Variants in DERA observed in about 807,000 individuals in gnomAD.
DERA encodes the protein deoxyribose-phosphate aldolase.
In DERA, 15 loss-of-function variants were observed where a neutral mutation model predicts 41.1. That is an observed-to-expected ratio of 0.37 (90% CI 0.24 to 0.56). The LOEUF is 0.56. Ranked by LOEUF, DERA falls within the 20% of genes least tolerant of loss-of-function variation. The pLI, the probability that DERA is intolerant of heterozygous loss-of-function variation, is 0.81. For missense variants in DERA, 396 were observed against 403.4 expected (o/e 0.98, Z 0.16); for synonymous variants, 139 against 137.4 (o/e 1.01, Z -0.08).
chr12:15,929,950 C>G (rs573071541), intron 1 of DERA, among the ~76,000 whole-genome samples: 1 of 152,084 alleles, frequency 6.6e-6, no homozygotes, highest in East Asian at 1.9e-4. Flanking sequence ...ATTGGACTTT[C>G]AGTGAGACTG....
intron 6 of DERA, among the ~76,000 whole-genome samples, chr12:16,005,178 C>T (rs1035289896): frequency 6.6e-6 from 1 of 152,166 alleles, no homozygotes; most frequent in Non-Finnish European, 1.5e-5. Flanking sequence ...CACAGTGGCT[C>T]ATGCCTGCAA....
At position 15,976,713 on chromosome 12, in the gene DERA, A is replaced by C. The variant is rs1948699830; in HGVS notation, c.509-5595A>C. 6.6e-6 allele frequency among the ~76,000 whole-genome samples: 1 copy of C among 152,198 alleles called. No individual in the cohort carries two copies. The highest frequency in any genetic ancestry group is 1.5e-5 in the Non-Finnish European group (1 of 68,034). On this transcript the variant is annotated intron_variant, in intron 5 of 8. Transcript: ENST00000428559. This position sits in a 1 kb window ranked among gnomAD's most constrained non-coding sequence, Gnocchi z 4.1. ...GGATCTGAAGGAAAAATGATTGATTACCTTCCTAACCGTTTTAATACTTTT... is the reference window on the plus strand; with the variant it reads ...GGATCTGAAGGAAAAATGATTGATTCCCTTCCTAACCGTTTTAATACTTTT...
At chr12:15,968,461 T>A (rs866059857) in intron 5 of DERA, among the ~76,000 whole-genome samples, 3 of 152,320 alleles carry the variant, frequency 2.0e-5, no homozygotes, top group Middle Eastern at 6.8e-3. Flanking sequence ...AGTGGGGACA[T>A]CACCCGGCCA....
chr12:15,916,520 G>A (rs1227261741), intron 1 of DERA, among the ~76,000 whole-genome samples: 4 of 143,580 alleles, frequency 2.8e-5, no homozygotes, highest in East Asian at 2.0e-4. Flanking sequence ...GCGCCATCTC[G>A]GCTCACTGCA....
At position 16,010,189 on chromosome 12, in the gene DERA, G is replaced by A. The variant is rs1338817998; in HGVS notation, c.638-22353G>A. Among the ~76,000 whole-genome samples the A allele has an allele frequency of 2.0e-5, 3 of 152,200 alleles. No individual in the cohort carries two copies. Among genetic ancestry groups the A allele is most frequent in the African/African-American group, 7.2e-5 (3 of 41,454 alleles). Reference sequence around the variant, plus strand: ...GGGCAAGGCAGTGCCTTGAAAACAAGTGTGTGGCATCCAGGGAGATCCTAG... The same window carrying A: ...GGGCAAGGCAGTGCCTTGAAAACAAATGTGTGGCATCCAGGGAGATCCTAG... On this transcript the variant is annotated intron_variant, in intron 6 of 8. Transcript: ENST00000428559. This position sits in a 1 kb window ranked among gnomAD's most constrained non-coding sequence, Gnocchi z 5.5.
At chr12:15,953,288 G>A (rs1350942607) in intron 1 of DERA, among the ~76,000 whole-genome samples, 1 of 152,066 alleles carries the variant, frequency 6.6e-6, no homozygotes, top group East Asian at 1.9e-4. Context: ...AATCAAAATA[G>A]AAAAAGCGCC....
In DERA at chr12:15,970,711, T is replaced by G. The variant is rs932991260; in HGVS notation, c.508+7764T>G. 2.6e-5 allele frequency among the ~76,000 whole-genome samples: 4 copies of G among 152,172 alleles called. No individual in the cohort carries two copies. The highest frequency in any genetic ancestry group is 4.4e-5 in the Non-Finnish European group (3 of 68,038). On this transcript the variant is annotated intron_variant, in intron 5 of 8. Coordinates refer to ENST00000428559, the MANE Select transcript of DERA (RefSeq NM_015954.4). The surrounding 1 kb of genome is among the most constrained non-coding windows in gnomAD (Gnocchi z 4.3). ...AACTCCATCTCTCTTTTCAGACTGT[T>G]CAAGATGTACACATGTACTTGGTAT...
intron 6 of DERA, 101 bp from the exon 7 acceptor site, chr12:16,032,441 T>G: frequency 1.5e-6 from 1 of 670,790 alleles, no homozygotes; most frequent in Non-Finnish European, 2.4e-6. Context: ...AACATTGGGT[T>G]TCTTCGGGAA....
Position 15,965,083 on chromosome 12 carries a change from G to A in DERA, c.508+2136G>A, listed in dbSNP as rs1450383911. On this transcript the variant is annotated intron_variant, in intron 5 of 8. Coordinates refer to ENST00000428559, the MANE Select transcript of DERA (RefSeq NM_015954.4). This position sits in a 1 kb window ranked among gnomAD's most constrained non-coding sequence, Gnocchi z 4.1. ...TTAGGACTTTTTGCTGCAATATTTT[G>A]TCTTAATTTTGATTCTCAATTTGAT... Among the ~76,000 whole-genome samples the A allele has an allele frequency of 6.6e-6, 1 of 152,052 alleles. No homozygotes were observed. The highest frequency in any genetic ancestry group is 1.5e-5 in the Non-Finnish European group (1 of 67,992).
In DERA at chr12:16,036,675, T is replaced by C. The variant is rs751262228; in HGVS notation, c.901-15T>C. The C allele has an allele frequency of 1.9e-6, 3 of 1,586,320 alleles. No individual in the cohort carries two copies. The highest frequency in any genetic ancestry group is 1.3e-5 in the African/African-American group (1 of 74,164). ...TATAGAATGATTGTTAATTAAACTCTGCTTTTCCTCACAGATTTACCATCA... is the reference window on the plus strand; with the variant it reads ...TATAGAATGATTGTTAATTAAACTCCGCTTTTCCTCACAGATTTACCATCA... On this transcript the variant is annotated splice_polypyrimidine_tract_variant and intron_variant, in intron 8 of 8. Coordinates refer to ENST00000428559, the MANE Select transcript of DERA (RefSeq NM_015954.4). The surrounding 1 kb of genome is among the most constrained non-coding windows in gnomAD (Gnocchi z 4.9).
At chr12:15,971,482 G>T (rs1948659201) in intron 5 of DERA, among the ~76,000 whole-genome samples, 1 of 148,188 alleles carries the variant, frequency 6.7e-6, no homozygotes, top group African/African-American at 2.5e-5. Context: ...TTTCGTCACT[G>T]AAGAGGCCAT....
chr12:15,923,323 G>T (rs1156417843), intron 1 of DERA, among the ~76,000 whole-genome samples: 6 of 152,114 alleles, frequency 3.9e-5, no homozygotes, highest in Non-Finnish European at 8.8e-5. Context: ...CGCCCGGCCT[G>T]TTTTTGCTTT....
intron 5 of DERA, among the ~76,000 whole-genome samples, chr12:15,969,864 G>A (rs1412218215): frequency 6.6e-6 from 1 of 152,104 alleles, no homozygotes; most frequent in Admixed American, 6.5e-5. Context: ...TACTTTTTGG[G>A]GAGGAATTAC....
chr12:15,942,982 A>G (rs1191142453), intron 1 of DERA, among the ~76,000 whole-genome samples: 2 of 152,246 alleles, frequency 1.3e-5, no homozygotes, highest in Admixed American at 6.5e-5. Flanking sequence ...GCTCAGCAGT[A>G]GTTGGACCAT....
intron 6 of DERA, among the ~76,000 whole-genome samples, chr12:16,031,054 C>T (rs1592059020): frequency 6.6e-6 from 1 of 152,152 alleles, no homozygotes; most frequent in Non-Finnish European, 1.5e-5. Flanking sequence ...GCTTGCTATG[C>T]GATTGTCCCT....
Position 16,000,191 on chromosome 12 carries a change from C to T in DERA, c.637+17755C>T, listed in dbSNP as rs150755525. 2.6e-5 allele frequency among the ~76,000 whole-genome samples: 4 copies of T among 152,264 alleles called. No individual in the cohort carries two copies. The East Asian group carries it at 7.7e-4, about 29-fold the overall frequency. On this transcript the variant is annotated intron_variant, in intron 6 of 8. Transcript: ENST00000428559. This position sits in a 1 kb window ranked among gnomAD's most constrained non-coding sequence, Gnocchi z 4.8. ...AGAGGACGAAGTCTTTTTCCCAGCC[C>T]AGGAACCAGCGCCTCTGTTTCCATT...
intron 7 of DERA, among the ~76,000 whole-genome samples, chr12:16,033,425 G>C (rs1206560278): frequency 6.6e-6 from 1 of 152,160 alleles, no homozygotes; most frequent in Non-Finnish European, 1.5e-5. Context: ...TTCGAAAAAT[G>C]ATACATATTT....
chr12:15,950,314 C>T (rs1183871336), intron 1 of DERA, among the ~76,000 whole-genome samples: 3 of 152,064 alleles, frequency 2.0e-5, no homozygotes, highest in African/African-American at 7.2e-5. Context: ...CTTTTTAGAC[C>T]ATATAGGGTA....
rs1201673790 is a variant in DERA, at chr12:15,998,089, G to A, written c.637+15653G>A. 2.0e-5 allele frequency among the ~76,000 whole-genome samples: 3 copies of A among 152,166 alleles called. No homozygotes were observed. Among genetic ancestry groups the A allele is most frequent in the Non-Finnish European group, 4.4e-5 (3 of 68,038 alleles). On this transcript the variant is annotated intron_variant, in intron 6 of 8. Coordinates refer to ENST00000428559, the MANE Select transcript of DERA (RefSeq NM_015954.4). The surrounding 1 kb of genome is among the most constrained non-coding windows in gnomAD (Gnocchi z 4.8). The stretch of plus-strand genomic sequence containing the variant: ...GAGTCTAGAACAAGGTTCTCAACCT[G>A]GGCTGCACATTAGAGTTTCCTGGCA...
Sources: allele counts gnomAD v4.1 joint callset (sites outside exome capture counted in the v4.1 genomes callset), GRCh38; gene constraint gnomAD v4.1.1; non-coding constraint Gnocchi (gnomAD v3.1); transcripts MANE v1.5; gene names NCBI Gene and HGNC (gene_info 2026-07-23, HGNC 2026-07-21).